BPTF: variants seen among roughly 807,000 people sequenced by gnomAD.
BPTF encodes the protein nucleosome-remodeling factor subunit BPTF.
BPTF carries 18 observed loss-of-function variants against 292.5 expected under a neutral mutation model. The observed-to-expected ratio is 0.06, with a 90% CI of 0.04 to 0.09. BPTF has a LOEUF of 0.09. BPTF is among the 10% of genes least tolerant of loss of function. The pLI is 1.00. For synonymous variants in BPTF, 1,225 were observed against 1,251.9 expected, an observed-to-expected ratio of 0.98 and a Z score of 0.45; for missense variants, 2,726 against 3,498.7, an observed-to-expected ratio of 0.78 and a Z score of 5.57.
chr17:67,894,710 A>G (rs2061333071), intron 7 of BPTF, among the ~76,000 whole-genome samples: 2 of 152,344 alleles, frequency 1.3e-5, no homozygotes, highest in South Asian at 4.1e-4. Context: ...AATATTTTCT[A>G]AAGTAAATAG....
At chr17:67,932,662 C>T (rs905036850) in intron 18 of BPTF, among the ~76,000 whole-genome samples, 4 of 152,130 alleles carry the variant, frequency 2.6e-5, no homozygotes, top group Admixed American at 6.5e-5. Context: ...GATCATGCCA[C>T]TGCACTCCAG....
chr17:67,844,785 C>A (rs1053081945), intron 1 of BPTF, among the ~76,000 whole-genome samples: 1 of 151,852 alleles, frequency 6.6e-6, no homozygotes, highest in Non-Finnish European at 1.5e-5. Context: ...CTCTTGTTGC[C>A]CAGGCTGGAG....
At chr17:67,941,123 G>A (rs999713811) in intron 19 of BPTF, among the ~76,000 whole-genome samples, 1 of 152,200 alleles carries the variant, frequency 6.6e-6, no homozygotes, top group Non-Finnish European at 1.5e-5. Flanking sequence ...TGAAGAACAG[G>A]ATTATTTGCC....
intron 24 of BPTF, 105 bp from the exon 25 acceptor site, chr17:67,964,107 A>G (rs1458206010): frequency 8.9e-7 from 1 of 1,122,752 alleles, no homozygotes; most frequent in African/African-American, 1.6e-5. Context: ...TAATACTAAA[A>G]CTATTTTATA....
chr17:67,845,659 A>G (rs2057975381), intron 1 of BPTF, among the ~76,000 whole-genome samples: 2 of 151,992 alleles, frequency 1.3e-5, no homozygotes, highest in Admixed American at 1.3e-4. Flanking sequence ...CTTTTGTCCC[A>G]GCTACTCAGG....
chr17:67,883,095 C>A (rs2060529569), intron 4 of BPTF, among the ~76,000 whole-genome samples: 1 of 151,742 alleles, frequency 6.6e-6, no homozygotes, highest in Non-Finnish European at 1.5e-5. Context: ...GTGGGCGGAT[C>A]ACAGATCAGG....
At chr17:67,876,852 TAAGC>T (rs1423124431) in intron 4 of BPTF, among the ~76,000 whole-genome samples, 7 of 151,888 alleles carry the variant, frequency 4.6e-5, no homozygotes, top group Admixed American at 2.0e-4. Flanking sequence ...TATGAAAACA[TAAGC>T]AAGAAGTTTC....
intron 1 of BPTF, among the ~76,000 whole-genome samples, chr17:67,840,755 G>GT (rs570413131): frequency 1.7e-3 from 257 of 151,508 alleles, no homozygotes; most frequent in African/African-American, 6.1e-3. Context: ...TAGAGATGGG[G>GT]TTTCACTATG....
chr17:67,835,236 A>G (rs2057031484), intron 1 of BPTF, among the ~76,000 whole-genome samples: 1 of 152,052 alleles, frequency 6.6e-6, no homozygotes, highest in Non-Finnish European at 1.5e-5. Context: ...AAGTAAAATG[A>G]AAAGTTAGTT....
chr17:67,966,824 G>A (rs1465581884), intron 26 of BPTF, among the ~76,000 whole-genome samples, 168 bp downstream of exon 26: 6 of 152,018 alleles, frequency 3.9e-5, no homozygotes, highest in South Asian at 4.1e-4. Context: ...AATTGTGGCC[G>A]GGTGCGGTGG....
At chr17:67,923,627 G>A (rs1261549596) in intron 14 of BPTF, among the ~76,000 whole-genome samples, 1 of 151,070 alleles carries the variant, frequency 6.6e-6, no homozygotes, top group Non-Finnish European at 1.5e-5. Context: ...TTACGGGGGT[G>A]TGCCACCATG....
chr17:67,906,134 T>C (rs9893181), intron 9 of BPTF, among the ~76,000 whole-genome samples: 15,338 of 151,912 alleles, frequency 0.1, 2,652 homozygotes, highest in African/African-American at 0.35. Context: ...CAGGCTGGAG[T>C]GCAGTGGCGT....
chr17:67,973,066 AAATATATATAT>A (rs1555691848), intron 26 of BPTF, among the ~76,000 whole-genome samples: 1 of 144,962 alleles, frequency 6.9e-6, no homozygotes, highest in Non-Finnish European at 1.5e-5. Context: ...ATATATATAT[AAATATATATAT>A]AATATATATA....
intron 27 of BPTF, chr17:67,982,012 T>C: frequency 1.1e-5 from 1 of 92,734 alleles, no homozygotes; most frequent in East Asian, 2.2e-4. Flanking sequence ...TATATATATA[T>C]ATATATATAT....
chr17:67,907,358 CT>C (rs752361872), intron 9 of BPTF, among the ~76,000 whole-genome samples: 301 of 135,054 alleles, frequency 2.2e-3, no homozygotes, highest in Admixed American at 2.8e-3. Context: ...AAGTTTATCA[CT>C]TTTTTTTTTT....
intron 18 of BPTF, among the ~76,000 whole-genome samples, chr17:67,936,019 G>T (rs1322321955): frequency 6.6e-6 from 1 of 152,108 alleles, no homozygotes; most frequent in African/African-American, 2.4e-5. Context: ...TTGAAAAGTT[G>T]CCATAATGTT....
intron 26 of BPTF, among the ~76,000 whole-genome samples, chr17:67,968,876 G>A (rs1199079729): frequency 1.3e-5 from 2 of 151,442 alleles, no homozygotes; most frequent in African/African-American, 4.9e-5. Flanking sequence ...TAGCTGCTCG[G>A]GAGGCTGAGG....
At chr17:67,886,378 T>C in intron 4 of BPTF, 1 of 1,137,738 alleles carries the variant, frequency 8.8e-7, no homozygotes. Context: ...CTTTTTTTTG[T>C]GTGTGTGTGT....
chr17:67,845,849 G>A (rs1416498506), intron 1 of BPTF, among the ~76,000 whole-genome samples: 3 of 150,558 alleles, frequency 2.0e-5, no homozygotes, highest in African/African-American at 7.3e-5. Context: ...AAGAAAAACA[G>A]GGGATCTTTA....
Sources: gnomAD v4.1 joint callset for allele counts (sites outside exome capture counted in the v4.1 genomes callset) on GRCh38, gnomAD v4.1.1 for gene constraint, MANE v1.5 for transcripts, NCBI Gene and HGNC (gene_info 2026-07-23, HGNC 2026-07-21) for gene names.